Variants in SMOC1 observed in about 807,000 individuals in gnomAD.
SMOC1 encodes SPARC related modular calcium binding 1, also known as SPARC-related modular calcium-binding protein 1.
In SMOC1, 22 loss-of-function variants were observed where a neutral mutation model predicts 56.3. The observed-to-expected ratio is 0.39, with a 90% CI of 0.28 to 0.56. The LOEUF (loss-of-function observed/expected upper bound fraction) is 0.56, where lower values mean the gene tolerates loss of function less well. Among genes scored for constraint, SMOC1 ranks in the 20% least tolerant of loss-of-function variants. The probability of loss-of-function intolerance (pLI) is 0.61; values close to 1 mark genes in which losing one functional copy is unlikely to be tolerated. For missense variants in SMOC1, 509 were observed against 565.4 expected, an observed-to-expected ratio of 0.90 and a Z score of 1.01; for synonymous variants, 193 against 215.0, an observed-to-expected ratio of 0.90 and a Z score of 0.89.
At chr14:70,027,353 T>C (rs1284529171) in intron 11 of SMOC1, among the ~76,000 whole-genome samples, 1 of 152,056 alleles carries the variant, frequency 6.6e-6, no homozygotes, top group Non-Finnish European at 1.5e-5. Flanking sequence ...CCAGTCTTGG[T>C]TGCCTGGTGA....
chr14:69,913,962 T>C (rs1320021425), intron 1 of SMOC1, among the ~76,000 whole-genome samples: 2 of 152,236 alleles, frequency 1.3e-5, no homozygotes, highest in East Asian at 1.9e-4. Context: ...AATGCTCAAG[T>C]TCACTACAGA....
At chr14:70,028,252 G>A (rs1327436909) in intron 11 of SMOC1, among the ~76,000 whole-genome samples, 2 of 152,158 alleles carry the variant, frequency 1.3e-5, no homozygotes, top group East Asian at 1.9e-4. Context: ...TGAGGCAGGC[G>A]GGGTGGGGTC....
At chr14:69,961,633 C>T (rs1256356713) in intron 3 of SMOC1, among the ~76,000 whole-genome samples, 3 of 152,124 alleles carry the variant, frequency 2.0e-5, no homozygotes, top group African/African-American at 7.2e-5. Context: ...ATGCCCACCT[C>T]AGCCTCCCAA....
chr14:69,991,213 A>G (rs1163256301), intron 5 of SMOC1, among the ~76,000 whole-genome samples: 1 of 152,098 alleles, frequency 6.6e-6, no homozygotes, highest in Non-Finnish European at 1.5e-5. Flanking sequence ...GAAGAGAGGG[A>G]TGGTGTAATC....
chr14:69,950,122 G>A (rs576296958), intron 1 of SMOC1, among the ~76,000 whole-genome samples: 6 of 152,336 alleles, frequency 3.9e-5, no homozygotes, highest in Admixed American at 6.5e-5. Flanking sequence ...CTGTGAGTGC[G>A]TGGGAGCCCA....
intron 7 of SMOC1, among the ~76,000 whole-genome samples, chr14:69,999,254 C>A (rs1232842101): frequency 6.6e-6 from 1 of 151,886 alleles, no homozygotes; most frequent in Non-Finnish European, 1.5e-5. Flanking sequence ...CCAGGAAGTT[C>A]CTGCTGGGAT....
At chr14:69,948,984 C>T (rs985535833) in intron 1 of SMOC1, among the ~76,000 whole-genome samples, 8 of 152,244 alleles carry the variant, frequency 5.3e-5, no homozygotes, top group African/African-American at 1.7e-4. Flanking sequence ...ACAGAAACAC[C>T]GGCCCACCTG....
intron 1 of SMOC1, 148 bp from the exon 2 acceptor site, chr14:69,951,990 G>C: frequency 4.8e-6 from 4 of 833,942 alleles, no homozygotes; most frequent in Non-Finnish European, 7.8e-6. Flanking sequence ...AGACTTTGTG[G>C]CTGCTCCGTT....
chr14:69,882,659 A>G (rs1354814636), intron 1 of SMOC1, among the ~76,000 whole-genome samples: 1 of 151,970 alleles, frequency 6.6e-6, no homozygotes, highest in Non-Finnish European at 1.5e-5. Flanking sequence ...GGAGGATGGG[A>G]TGGGGGAGGG....
intron 5 of SMOC1, among the ~76,000 whole-genome samples, chr14:69,983,738 G>A (rs1466226996): frequency 6.6e-6 from 1 of 152,242 alleles, no homozygotes; most frequent in East Asian, 1.9e-4. Flanking sequence ...AGGCCAATGA[G>A]AGTATGTTCA....
intron 11 of SMOC1, among the ~76,000 whole-genome samples, chr14:70,028,569 T>G (rs997565855): frequency 2.0e-5 from 3 of 152,196 alleles, no homozygotes; most frequent in Non-Finnish European, 4.4e-5. Flanking sequence ...TAAGCCTCCA[T>G]GAAAAAGAGC....
At chr14:70,003,410 A>G (rs553865986) in intron 7 of SMOC1, among the ~76,000 whole-genome samples, 48 of 152,274 alleles carry the variant, frequency 3.2e-4, no homozygotes, top group African/African-American at 1.1e-3. Flanking sequence ...AGCATTTCCC[A>G]GGATGTGTCA....
intron 1 of SMOC1, among the ~76,000 whole-genome samples, chr14:69,920,604 C>T (rs2139365920): frequency 6.6e-6 from 1 of 152,314 alleles, no homozygotes; most frequent in Non-Finnish European, 1.5e-5. Context: ...GACACAGCGC[C>T]AGGTAAGGAT....
chr14:69,881,435 C>T (rs562020838), intron 1 of SMOC1, among the ~76,000 whole-genome samples: 1 of 152,178 alleles, frequency 6.6e-6, no homozygotes, highest in South Asian at 2.1e-4. Context: ...ATATGGCTCT[C>T]CTTCCTGGCC....
chr14:70,030,515 C>A lies in SMOC1; in HGVS notation c.*257C>A. Reference sequence around the variant, plus strand: ...TCTCTCTTATTGTAAGTTTTTGGATCTGCTACTGACAACTTTTAGAGGGTT... The same window carrying A: ...TCTCTCTTATTGTAAGTTTTTGGATATGCTACTGACAACTTTTAGAGGGTT... On this transcript the variant is annotated 3_prime_UTR_variant, in exon 12 of 12. Transcript: ENST00000361956. 1 of 230,894 alleles carries A rather than the reference C, an allele frequency of 4.3e-6. No homozygotes were observed. The highest frequency in any genetic ancestry group is 8.2e-5 in the East Asian group (1 of 12,190). 14.3% of individuals were successfully genotyped at this position (230,894 alleles called of 1,614,324 possible).
At chr14:69,979,797 C>T (rs1884108325) in intron 5 of SMOC1, among the ~76,000 whole-genome samples, 1 of 152,128 alleles carries the variant, frequency 6.6e-6, no homozygotes, top group Non-Finnish European at 1.5e-5. Flanking sequence ...GGAACATCAC[C>T]TTTATTCCTG....
At chr14:69,937,118 G>T (rs146640750) in intron 1 of SMOC1, among the ~76,000 whole-genome samples, 3 of 152,126 alleles carry the variant, frequency 2.0e-5, no homozygotes, top group Non-Finnish European at 2.9e-5. Flanking sequence ...TGGAGTTCCC[G>T]TTCTTTGAGA....
intron 1 of SMOC1, among the ~76,000 whole-genome samples, chr14:69,891,119 T>A (rs1205476917): frequency 6.6e-6 from 1 of 152,214 alleles, no homozygotes; most frequent in Non-Finnish European, 1.5e-5. Flanking sequence ...TGCAGAATAA[T>A]ACATAATGCT....
chr14:69,926,809 C>A (rs188941259), intron 1 of SMOC1, among the ~76,000 whole-genome samples: 21 of 152,340 alleles, frequency 1.4e-4, no homozygotes, highest in Middle Eastern at 3.4e-3. Flanking sequence ...TTGGAGTCAG[C>A]AGACCTCATT....
Sources: allele counts gnomAD v4.1 joint callset (sites outside exome capture counted in the v4.1 genomes callset), GRCh38; gene constraint gnomAD v4.1.1; transcripts MANE v1.5; gene names NCBI Gene and HGNC (gene_info 2026-07-23, HGNC 2026-07-21).